Variants in TRPM3 observed in about 807,000 individuals in gnomAD.
The protein encoded by TRPM3 is long transient receptor potential channel 3.
A neutral mutation model predicts 181.2 loss-of-function variants in TRPM3; 77 were observed. The observed-to-expected ratio is 0.42, with a 90% CI of 0.35 to 0.51. The LOEUF is 0.51. Ranked by LOEUF, TRPM3 falls within the 20% of genes least tolerant of loss-of-function variation. The pLI, the probability that TRPM3 is intolerant of heterozygous loss-of-function variation, is 0.01. For synonymous variants in TRPM3, 745 were observed against 796.4 expected, an observed-to-expected ratio of 0.94 and a Z score of 1.09; for missense variants, 1,759 against 2,196.7, an observed-to-expected ratio of 0.80 and a Z score of 3.98.
intron 1 of TRPM3, among the ~76,000 whole-genome samples, chr9:71,410,165 T>C (rs991964626): frequency 7.2e-5 from 11 of 152,036 alleles, no homozygotes; most frequent in Non-Finnish European, 1.3e-4. Flanking sequence ...AGGAAAGATC[T>C]AAAATTGACA....
intron 1 of TRPM3, among the ~76,000 whole-genome samples, chr9:71,260,013 A>G (rs941746338): frequency 1.3e-5 from 2 of 152,102 alleles, no homozygotes; most frequent in Non-Finnish European, 2.9e-5. Flanking sequence ...TACGGTTTTA[A>G]GTCTTACATT....
chr9:71,317,693 AC>A (rs2088770187), intron 1 of TRPM3, among the ~76,000 whole-genome samples: 2 of 143,776 alleles, frequency 1.4e-5, no homozygotes, highest in South Asian at 2.3e-4. Context: ...ACACACACAC[AC>A]GCGCACACGC....
At position 71,237,188 on chromosome 9, in the gene TRPM3, C is replaced by T. The variant is rs1441403970; in HGVS notation, c.183+209465G>A. On this transcript the variant is annotated intron_variant, in intron 1 of 24. Transcript: ENST00000357533. ...TAGTTTGGTGCTGTGCTGATATGTACAAGATACAGGTATAATCAAGCTGTG... is the reference window on the plus strand; with the variant it reads ...TAGTTTGGTGCTGTGCTGATATGTATAAGATACAGGTATAATCAAGCTGTG... Among the ~76,000 whole-genome samples, 3 of 151,950 alleles carry T rather than the reference C, an allele frequency of 2.0e-5. No individual in the cohort carries two copies. In the East Asian group the frequency reaches 5.8e-4, roughly 29 times the overall value.
intron 1 of TRPM3, among the ~76,000 whole-genome samples, chr9:70,874,076 T>A (rs2095834450): frequency 6.6e-6 from 1 of 151,910 alleles, no homozygotes; most frequent in South Asian, 2.1e-4. Flanking sequence ...TGGGAAAAGA[T>A]TCAATAAATT....
intron 7 of TRPM3, among the ~76,000 whole-genome samples, chr9:70,780,238 C>T (rs369251318): frequency 2.0e-5 from 3 of 152,018 alleles, no homozygotes; most frequent in Non-Finnish European, 2.9e-5. Flanking sequence ...GTTCTTGGAT[C>T]TGTATTATTT....
chr9:70,838,096 T>C (rs1192825431), intron 5 of TRPM3, among the ~76,000 whole-genome samples: 1 of 152,166 alleles, frequency 6.6e-6, no homozygotes, highest in Non-Finnish European at 1.5e-5. Flanking sequence ...GAACAAGTGT[T>C]TTTATAGAGA....
rs2042037691 is a variant in TRPM3 at position 70,537,302 on chromosome 9, G to T, written c.3811C>A (p.Leu1271Ile). The change falls in exon 26 of 26, where the codon CTT becomes ATT. Residue 1271 changes from leucine to isoleucine, a missense_variant. Transcript: ENST00000677713. ...VDIRLAQLED[L>I]IGRMATALER... is the part of the protein sequence containing the mutation. ...AGGGCCGTGGCCATGCGCCCGATAAGGTCTTCCAGCTGCGCCAGCCGGATG... is the reference window on the plus strand; with the variant it reads ...AGGGCCGTGGCCATGCGCCCGATAATGTCTTCCAGCTGCGCCAGCCGGATG... The T allele has an allele frequency of 6.5e-7, 1 of 1,542,466 alleles. No homozygotes were observed. Among genetic ancestry groups the T allele is most frequent in the African/African-American group, 1.4e-5 (1 of 72,482 alleles).
intron 1 of TRPM3, among the ~76,000 whole-genome samples, chr9:71,238,153 A>G (rs1295510167): frequency 1.3e-5 from 2 of 152,182 alleles, no homozygotes; most frequent in East Asian, 1.9e-4. Flanking sequence ...TTTCTATGAA[A>G]AAACGCAGCA....
chr9:70,846,821 A>G (rs1312983381), intron 3 of TRPM3, among the ~76,000 whole-genome samples: 1 of 152,184 alleles, frequency 6.6e-6, no homozygotes. Flanking sequence ...AAATTATTAG[A>G]TTTTCTAAAA....
In TRPM3 at chr9:70,686,852, G is replaced by A. The variant is rs191774872; in HGVS notation, c.1273-5274C>T. 3.0e-4 allele frequency among the ~76,000 whole-genome samples: 39 copies of A among 129,978 alleles called. No homozygotes were observed. In the East Asian group the frequency reaches 8.8e-3, roughly 29 times the overall value. The allele number at this position is 129,978 out of a possible 152,430, so 85.3% of individuals were successfully genotyped here. Reference sequence around the variant, plus strand: ...TTTTTTTTTTCTTTTTTGAGACAGGGTCTCACTCTGTCTCCCAGGCTGGAG... The same window carrying A: ...TTTTTTTTTTCTTTTTTGAGACAGGATCTCACTCTGTCTCCCAGGCTGGAG... On this transcript the variant is annotated intron_variant, in intron 8 of 25. Transcript: ENST00000677713.
At chr9:70,957,911 CA>C (rs956603688) in intron 1 of TRPM3, among the ~76,000 whole-genome samples, 5 of 151,824 alleles carry the variant, frequency 3.3e-5, no homozygotes, top group African/African-American at 4.8e-5. Flanking sequence ...CAAACAAAAA[CA>C]AAAAAAACTG....
intron 3 of TRPM3, among the ~76,000 whole-genome samples, chr9:70,846,804 C>A (rs1409972414): frequency 6.6e-6 from 1 of 152,126 alleles, no homozygotes; most frequent in African/African-American, 2.4e-5. Context: ...TATGATAATT[C>A]ATTCTGAAAT....
intron 7 of TRPM3, among the ~76,000 whole-genome samples, chr9:70,768,343 C>T (rs2079538093): frequency 6.6e-6 from 1 of 152,114 alleles, no homozygotes; most frequent in South Asian, 2.1e-4. Context: ...TTCTTTTAGG[C>T]CTTGGTGCCT....
chr9:70,989,085 G>T (rs1158677267), intron 1 of TRPM3, among the ~76,000 whole-genome samples: 1 of 152,016 alleles, frequency 6.6e-6, no homozygotes, highest in Non-Finnish European at 1.5e-5. Flanking sequence ...ATAATAGATG[G>T]GCATTGTCTT....
chr9:70,999,888 C>T (rs764093809), intron 1 of TRPM3, among the ~76,000 whole-genome samples: 1 of 152,172 alleles, frequency 6.6e-6, no homozygotes, highest in African/African-American at 2.4e-5. Context: ...TAGCAGAAGT[C>T]AGTTGGGGGA....
chr9:71,063,701 G>A (rs924706057), intron 1 of TRPM3, among the ~76,000 whole-genome samples: 1 of 152,016 alleles, frequency 6.6e-6, no homozygotes, highest in Admixed American at 6.6e-5. Flanking sequence ...GGTGGCTGTA[G>A]GGACTATTGC....
chr9:70,831,716 G>A (rs1379009021), intron 5 of TRPM3, among the ~76,000 whole-genome samples: 2 of 151,374 alleles, frequency 1.3e-5, no homozygotes, highest in Admixed American at 6.6e-5. Flanking sequence ...AGCTTTTATA[G>A]TTGGTAAATA....
intron 1 of TRPM3, among the ~76,000 whole-genome samples, chr9:71,207,147 AAATC>A (rs1353551894): frequency 6.6e-6 from 1 of 152,172 alleles, no homozygotes; most frequent in African/African-American, 2.4e-5. Flanking sequence ...AAAATTTTAT[AAATC>A]AAACAGCCAG....
intron 1 of TRPM3, among the ~76,000 whole-genome samples, chr9:71,306,132 C>A (rs951870567): frequency 6.6e-6 from 1 of 152,120 alleles, no homozygotes; most frequent in African/African-American, 2.4e-5. Context: ...ATGTAGAGAG[C>A]ACACGGCCTT....
Sources: gnomAD v4.1 joint callset for allele counts (sites outside exome capture counted in the v4.1 genomes callset) on GRCh38, gnomAD v4.1.1 for gene constraint, MANE v1.5 for transcripts, NCBI Gene and HGNC (gene_info 2026-07-23, HGNC 2026-07-21) for gene names.